Variants in ARHGAP42 observed in about 807,000 individuals in gnomAD.
ARHGAP42 encodes the protein rho GTPase-activating protein 42.
ARHGAP42 carries 63 observed loss-of-function variants against 125.0 expected under a neutral mutation model. The observed-to-expected ratio is 0.50, with a 90% CI of 0.41 to 0.62. ARHGAP42 has a LOEUF of 0.62. Ranked by LOEUF, ARHGAP42 falls within the 20% of genes least tolerant of loss-of-function variation. The probability of loss-of-function intolerance (pLI) is 0.00; values close to 1 mark genes in which losing one functional copy is unlikely to be tolerated. For synonymous variants in ARHGAP42, 339 were observed against 351.0 expected, an observed-to-expected ratio of 0.97 and a Z score of 0.38; for missense variants, 766 against 1,024.2, an observed-to-expected ratio of 0.75 and a Z score of 3.44.
intron 2 of ARHGAP42, among the ~76,000 whole-genome samples, chr11:100,775,661 G>A (rs563457928): frequency 6.6e-6 from 1 of 152,242 alleles, no homozygotes; most frequent in Admixed American, 6.5e-5. Flanking sequence ...CCTATGAGAC[G>A]GGTTGTTTAG....
chr11:100,695,708 G>A (rs919138560), intron 1 of ARHGAP42, among the ~76,000 whole-genome samples: 3 of 152,168 alleles, frequency 2.0e-5, no homozygotes, highest in African/African-American at 7.2e-5. Context: ...TAATACTAAA[G>A]AAAGTGTTTT....
intron 7 of ARHGAP42, 58 bp downstream of exon 7, chr11:100,933,318 G>C: frequency 8.0e-7 from 1 of 1,246,466 alleles, no homozygotes; most frequent in Non-Finnish European, 1.1e-6. Flanking sequence ...GATTTCACAG[G>C]GCAACTAATT....
intron 4 of ARHGAP42, among the ~76,000 whole-genome samples, chr11:100,908,823 A>G (rs1210522661): frequency 2.0e-5 from 3 of 152,284 alleles, no homozygotes; most frequent in Non-Finnish European, 4.4e-5. Flanking sequence ...AAACCTTCAT[A>G]CTGTTTTCCA....
At chr11:100,771,826 TCCTGA>T (rs1215019183) in intron 2 of ARHGAP42, among the ~76,000 whole-genome samples, 1 of 152,096 alleles carries the variant, frequency 6.6e-6, no homozygotes, top group Non-Finnish European at 1.5e-5. Context: ...GGTCTTGAAC[TCCTGA>T]CCTTGTGATC....
At chr11:100,869,022 A>G (rs1865639767) in intron 4 of ARHGAP42, among the ~76,000 whole-genome samples, 1 of 152,098 alleles carries the variant, frequency 6.6e-6, no homozygotes, top group Non-Finnish European at 1.5e-5. Flanking sequence ...TCATGCATGT[A>G]GATTAGTTTG....
chr11:100,828,154 T>C (rs541760279), intron 3 of ARHGAP42, among the ~76,000 whole-genome samples: 1 of 145,008 alleles, frequency 6.9e-6, no homozygotes, highest in South Asian at 2.6e-4. Context: ...GTCCTCCAAG[T>C]GGTCTCACTT....
At position 100,778,178 on chromosome 11, in the gene ARHGAP42, A is replaced by G. The variant is rs560308702; in HGVS notation, c.250+7740A>G. On this transcript the variant is annotated intron_variant, in intron 2 of 23. Transcript: ENST00000298815. ...ACATGTTGAGACCCTGTCTCTTAAG[A>G]AAAAAAAAAAAGAAACGGTGAAGTT... Among the ~76,000 whole-genome samples the G allele has an allele frequency of 8.2e-5, 12 of 145,864 alleles. No individual in the cohort carries two copies. In the South Asian group the frequency reaches 1.5e-3, roughly 19 times the overall value.
At chr11:100,828,641 A>G (rs1447810996) in intron 3 of ARHGAP42, among the ~76,000 whole-genome samples, 2 of 152,056 alleles carry the variant, frequency 1.3e-5, no homozygotes, top group African/African-American at 4.8e-5. Flanking sequence ...TTAAGGGGGA[A>G]AGGGCCTACC....
intron 1 of ARHGAP42, among the ~76,000 whole-genome samples, chr11:100,759,281 G>T (rs1451024121): frequency 1.3e-5 from 2 of 152,132 alleles, no homozygotes; most frequent in Non-Finnish European, 2.9e-5. Context: ...TTAAGTCTGT[G>T]TGTTTGCTGG....
At chr11:100,784,917 T>C (rs1863398644) in intron 2 of ARHGAP42, among the ~76,000 whole-genome samples, 1 of 152,226 alleles carries the variant, frequency 6.6e-6, no homozygotes, top group Non-Finnish European at 1.5e-5. Flanking sequence ...GGATTTTACA[T>C]GTGACTTTCT....
In ARHGAP42 at chr11:100,936,155, A is replaced by C. The variant is rs1281280844; in HGVS notation, c.703-48A>C. On this transcript the variant is annotated intron_variant, in intron 7 of 23. Coordinates refer to ENST00000298815, the MANE Select transcript of ARHGAP42 (RefSeq NM_152432.4). ...AAAATATTAGTCTGGATGTTGCTGA[A>C]ACTTGGTAGAAAATAATGACTGAAA... 3 of 1,545,936 alleles carry C rather than the reference A, an allele frequency of 1.9e-6. No homozygotes were observed. The Admixed American group carries it at 5.9e-5, about 30-fold the overall frequency.
chr11:100,750,337 G>A (rs1274624892), intron 1 of ARHGAP42, among the ~76,000 whole-genome samples: 3 of 151,694 alleles, frequency 2.0e-5, no homozygotes, highest in Non-Finnish European at 4.4e-5. Context: ...TCCCCTATTG[G>A]CTAGGGTTAG....
At chr11:100,853,280 T>C (rs1022997681) in intron 3 of ARHGAP42, among the ~76,000 whole-genome samples, 3 of 152,156 alleles carry the variant, frequency 2.0e-5, no homozygotes, top group Non-Finnish European at 4.4e-5. Context: ...TTTCTGACTG[T>C]TTTTAGCCTC....
At chr11:100,876,415 G>C (rs1865825884) in intron 4 of ARHGAP42, among the ~76,000 whole-genome samples, 1 of 152,052 alleles carries the variant, frequency 6.6e-6, no homozygotes, top group East Asian at 1.9e-4. Context: ...AGAAGGTCAG[G>C]TAAAAACACT....
At position 100,714,154 on chromosome 11, in the gene ARHGAP42, T is replaced by G. The variant is rs555251599; in HGVS notation, c.154+26322T>G. ...TGATGCAAAAATTTCTGAAATCCTGTTTTTGTGAAAATCTTTTTAGCAGAG... is the reference window on the plus strand; with the variant it reads ...TGATGCAAAAATTTCTGAAATCCTGGTTTTGTGAAAATCTTTTTAGCAGAG... On this transcript the variant is annotated intron_variant, in intron 1 of 23. Coordinates refer to ENST00000298815, the MANE Select transcript of ARHGAP42 (RefSeq NM_152432.4). 1.8e-4 allele frequency among the ~76,000 whole-genome samples: 27 copies of G among 152,314 alleles called. No individual in the cohort carries two copies. In the South Asian group the frequency reaches 2.1e-3, roughly 12 times the overall value.
chr11:100,893,434 G>A (rs1177495775), intron 4 of ARHGAP42, among the ~76,000 whole-genome samples: 1 of 152,018 alleles, frequency 6.6e-6, no homozygotes, highest in Admixed American at 6.6e-5. Flanking sequence ...AATTGATTAA[G>A]TTAGGATAAA....
At chr11:100,846,319 C>A (rs1270636480) in intron 3 of ARHGAP42, among the ~76,000 whole-genome samples, 1 of 152,142 alleles carries the variant, frequency 6.6e-6, no homozygotes, top group Non-Finnish European at 1.5e-5. Flanking sequence ...TTCGTCAGAA[C>A]ACCTCACACT....
At chr11:100,975,352 C>T (rs1279418903) in intron 19 of ARHGAP42, among the ~76,000 whole-genome samples, 1 of 151,986 alleles carries the variant, frequency 6.6e-6, no homozygotes, top group Non-Finnish European at 1.5e-5. Context: ...CTATTATGTA[C>T]CCAGAAAAAT....
chr11:100,952,514 T>G (rs560572042), intron 12 of ARHGAP42, among the ~76,000 whole-genome samples: 7 of 152,228 alleles, frequency 4.6e-5, no homozygotes, highest in Non-Finnish European at 2.9e-5. Flanking sequence ...AAACTAAACT[T>G]ATTGAAAAAT....
Sources: allele counts gnomAD v4.1 joint callset (sites outside exome capture counted in the v4.1 genomes callset), GRCh38; gene constraint gnomAD v4.1.1; transcripts MANE v1.5; gene names NCBI Gene and HGNC (gene_info 2026-07-23, HGNC 2026-07-21).